ARMH3: variants seen among roughly 807,000 people sequenced by gnomAD.
The protein encoded by ARMH3 is armadillo like helical domain containing 3.
In ARMH3, 60 loss-of-function variants were observed where a neutral mutation model predicts 99.1. The ratio of observed to expected loss-of-function variants is 0.61; its 90% CI spans 0.49 to 0.75. ARMH3 has a LOEUF of 0.75. Ranked by LOEUF, ARMH3 falls within the 30% of genes least tolerant of loss-of-function variation. The probability of loss-of-function intolerance (pLI) is 0.00; values close to 1 mark genes in which losing one functional copy is unlikely to be tolerated. For synonymous variants in ARMH3, 285 were observed against 292.8 expected (o/e 0.97, Z 0.27); for missense variants, 679 against 843.1 (o/e 0.81, Z 2.41).
intron 6 of ARMH3, among the ~76,000 whole-genome samples, chr10:102,024,599 T>C (rs2066958305): frequency 6.6e-6 from 1 of 150,936 alleles, no homozygotes. Flanking sequence ...TCACCTAAGG[T>C]CAGGAGTTCA....
intron 2 of ARMH3, among the ~76,000 whole-genome samples, chr10:102,037,275 G>A (rs1417954975): frequency 6.7e-6 from 1 of 148,424 alleles, no homozygotes; most frequent in Non-Finnish European, 1.5e-5. Flanking sequence ...TCTGCCTCCC[G>A]GGTTCAAGCG....
chr10:101,996,512 C>T (rs1847062464), intron 15 of ARMH3, among the ~76,000 whole-genome samples: 1 of 152,122 alleles, frequency 6.6e-6, no homozygotes, highest in African/African-American at 2.4e-5. Context: ...ATCAAAGCCC[C>T]GATATAGCCA....
At chr10:102,025,289 A>T (rs1425184201) in intron 5 of ARMH3, 41 bp from the exon 6 acceptor site, 2 of 1,517,904 alleles carry the variant, frequency 1.3e-6, no homozygotes, top group Non-Finnish European at 1.8e-6. Context: ...ATACCAGATA[A>T]CACCCCACCT....
intron 1 of ARMH3, among the ~76,000 whole-genome samples, chr10:102,051,041 C>G (rs1280837006): frequency 6.6e-6 from 1 of 151,462 alleles, no homozygotes; most frequent in East Asian, 1.9e-4. Flanking sequence ...GTAATCCCAG[C>G]TATTCAAGAG....
At chr10:101,971,265 G>T (rs558011010) in intron 20 of ARMH3, among the ~76,000 whole-genome samples, 2 of 151,994 alleles carry the variant, frequency 1.3e-5, no homozygotes, top group Non-Finnish European at 2.9e-5. Flanking sequence ...CAGTAGGAGC[G>T]CAGTGTGACT....
chr10:102,026,620 GTTT>G lies in ARMH3; in HGVS notation c.415-1375_415-1373del, dbSNP rs2136182480. Among the ~76,000 whole-genome samples the G allele has an allele frequency of 1.3e-5, 2 of 152,294 alleles. 1 individual carries two copies. Among genetic ancestry groups the G allele is most frequent in the South Asian group, 4.1e-4 (2 of 4,830 alleles). On this transcript the variant is annotated intron_variant, in intron 5 of 25. Coordinates refer to ENST00000370033, the MANE Select transcript of ARMH3 (RefSeq NM_024541.3). ...TGTGGGGTTGGAATAAAAGTAGTTT[GTTT>G]TTAAGGGAGTATAAAGAATGAGGCA...
chr10:101,857,055 A>T (rs78728661), intron 24 of ARMH3, among the ~76,000 whole-genome samples: 2 of 152,186 alleles, frequency 1.3e-5, no homozygotes, highest in African/African-American at 2.4e-5. Context: ...CAGAAAAAAA[A>T]AAGAAGGACT....
At chr10:102,036,976 C>G (rs1407614102) in intron 2 of ARMH3, among the ~76,000 whole-genome samples, 3 of 151,528 alleles carry the variant, frequency 2.0e-5, no homozygotes, top group Non-Finnish European at 1.5e-5. Context: ...TGCTTGAACC[C>G]AGGAGGTGGA....
At chr10:102,014,879 C>A (rs1330556394) in intron 8 of ARMH3, among the ~76,000 whole-genome samples, 2 of 152,136 alleles carry the variant, frequency 1.3e-5, no homozygotes, top group Admixed American at 6.5e-5. Context: ...ATAAATCAGG[C>A]ACCAATTCTA....
intron 5 of ARMH3, chr10:102,029,330 T>G (rs562100914): frequency 1.0e-6 from 1 of 966,314 alleles, no homozygotes; most frequent in East Asian, 2.6e-5. Context: ...TACCCTTGTA[T>G]GTTGTTATAT....
chr10:102,026,279 A>G lies in ARMH3; in HGVS notation c.415-1031T>C, dbSNP rs545860897. On this transcript the variant is annotated intron_variant, in intron 5 of 25. Transcript: ENST00000370033. ...GGCCAAGGTAAGCTGCTTCAGTTCA[A>G]TTCAATAAATATGTGAGCATCTACT... Among the ~76,000 whole-genome samples, 6 of 152,334 alleles carry G rather than the reference A, an allele frequency of 3.9e-5. No homozygotes were observed. The South Asian group carries it at 8.3e-4, about 21-fold the overall frequency.
chr10:101,955,284 A>G (rs1844979814), intron 22 of ARMH3, among the ~76,000 whole-genome samples: 1 of 152,228 alleles, frequency 6.6e-6, no homozygotes, highest in South Asian at 2.1e-4. Context: ...GAGAGGAGAT[A>G]TTTTAAAAAC....
intron 23 of ARMH3, among the ~76,000 whole-genome samples, chr10:101,935,467 T>G (rs1843924805): frequency 6.6e-6 from 1 of 152,136 alleles, no homozygotes; most frequent in Non-Finnish European, 1.5e-5. Context: ...CGAAGTACTT[T>G]TAACTTTCAC....
Position 102,029,760 on chromosome 10 carries a change from G to C in ARMH3, c.307-15C>G, listed in dbSNP as rs2067083751. The C allele has an allele frequency of 6.2e-7, 1 of 1,604,934 alleles. No individual in the cohort carries two copies. ...GCGCACAGGGTCTGCAGAAATGAGA[G>C]AAAGAATTCTTTCTGGAGAGGAAGT... is the stretch of plus-strand genomic sequence containing the variant. On this transcript the variant is annotated splice_polypyrimidine_tract_variant and intron_variant, in intron 4 of 25. Transcript: ENST00000370033.
rs934870844 is a variant in ARMH3, at chr10:101,977,427, T to TA, written c.1407-2128dup. Among the ~76,000 whole-genome samples, 5 of 152,020 alleles carry TA rather than the reference T, an allele frequency of 3.3e-5. No individual in the cohort carries two copies. The East Asian group carries it at 5.8e-4, about 18-fold the overall frequency. On this transcript the variant is annotated intron_variant, in intron 19 of 25. Transcript: ENST00000370033. ...CTTCCTAAAAATACAAATAATTTAA[T>TA]AAAAAAAAATTCAATGATTAAAATT... is the stretch of plus-strand genomic sequence containing the variant.
intron 2 of ARMH3, among the ~76,000 whole-genome samples, chr10:102,036,125 C>A: frequency 6.7e-6 from 1 of 150,006 alleles, no homozygotes; most frequent in African/African-American, 2.5e-5. Context: ...TGGGGGGCAG[C>A]CCCCGCCCGG....
intron 19 of ARMH3, among the ~76,000 whole-genome samples, chr10:101,976,725 T>C (rs1439363020): frequency 6.6e-6 from 1 of 152,154 alleles, no homozygotes; most frequent in African/African-American, 2.4e-5. Context: ...GTCTTACTTA[T>C]AAATAAAATC....
chr10:101,968,804 T>C (rs745806267), intron 20 of ARMH3, among the ~76,000 whole-genome samples: 1 of 152,196 alleles, frequency 6.6e-6, no homozygotes, highest in Non-Finnish European at 1.5e-5. Context: ...GGAAAAAAGC[T>C]TCCTGGCATT....
intron 24 of ARMH3, among the ~76,000 whole-genome samples, chr10:101,881,631 A>T (rs2067421975): frequency 6.6e-6 from 1 of 152,124 alleles, no homozygotes; most frequent in South Asian, 2.1e-4. Flanking sequence ...GCTGGCTCAT[A>T]CCAGGCCCCT....
Sources: allele counts gnomAD v4.1 joint callset (sites outside exome capture counted in the v4.1 genomes callset), GRCh38; gene constraint gnomAD v4.1.1; transcripts MANE v1.5; gene names NCBI Gene and HGNC (gene_info 2026-07-23, HGNC 2026-07-21).